Variants in WARS2 observed in about 807,000 individuals in gnomAD.
WARS2 encodes the protein tryptophan--tRNA ligase, mitochondrial.
A neutral mutation model predicts 36.5 loss-of-function variants in WARS2; 28 were observed. The observed-to-expected ratio is 0.77, with a 90% CI of 0.57 to 1.05. The LOEUF (loss-of-function observed/expected upper bound fraction) is 1.05, where lower values mean the gene tolerates loss of function less well. WARS2 is among the 50% of genes least tolerant of loss of function. WARS2 has a pLI of 0.00. For missense variants in WARS2, 435 were observed against 456.8 expected (o/e 0.95, Z 0.44); for synonymous variants, 174 against 178.4 (o/e 0.98, Z 0.20).
chr1:119,041,850 G>A lies in WARS2; in HGVS notation c.515+414C>T, dbSNP rs536902988. On this transcript the variant is annotated intron_variant, in intron 4 of 5. Transcript: ENST00000235521. ...TCCAAACTTCCTGGACTCAAATCCT[G>A]GCTCCAAGCCTTGCTAATTACATGA... 3.9e-5 allele frequency among the ~76,000 whole-genome samples: 6 copies of A among 152,284 alleles called. No individual in the cohort carries two copies. In the South Asian group the frequency reaches 1.2e-3, roughly 32 times the overall value.
Position 119,068,825 on chromosome 1 carries a change from A to ACT in WARS2, c.348+7523_348+7524dup, listed in dbSNP as rs10647679. Among the ~76,000 whole-genome samples, 54 of 149,266 alleles carry ACT rather than the reference A, an allele frequency of 3.6e-4. No homozygotes were observed. The East Asian group carries it at 4.1e-3, about 11-fold the overall frequency. On this transcript the variant is annotated intron_variant, in intron 2 of 5. Transcript: ENST00000235521. ...CCCACGACGTGTCCCTCTCTCTCTT[A>ACT]CTCTCTCTCTCTCTCACACACACAC...
At chr1:119,096,375 C>T (rs947228273) in intron 1 of WARS2, among the ~76,000 whole-genome samples, 1 of 152,148 alleles carries the variant, frequency 6.6e-6, no homozygotes, top group Non-Finnish European at 1.5e-5. Flanking sequence ...TTTCTAACAA[C>T]TCTAACAAGT....
At chr1:119,071,708 A>G (rs1353925592) in intron 2 of WARS2, among the ~76,000 whole-genome samples, 1 of 152,222 alleles carries the variant, frequency 6.6e-6, no homozygotes, top group Non-Finnish European at 1.5e-5. Context: ...GGACACAAAA[A>G]AAGTTAGACG....
intron 1 of WARS2, among the ~76,000 whole-genome samples, chr1:119,135,383 T>G (rs1365206614): frequency 6.6e-6 from 1 of 152,174 alleles, no homozygotes; most frequent in Non-Finnish European, 1.5e-5. Flanking sequence ...TCAGAAAAGC[T>G]TTGCTTTTAT....
intron 1 of WARS2, among the ~76,000 whole-genome samples, chr1:119,084,132 C>G (rs1652432297): frequency 6.6e-6 from 1 of 151,804 alleles, no homozygotes; most frequent in Non-Finnish European, 1.5e-5. Flanking sequence ...GCAGTCCACC[C>G]ACCCTCCCAA....
chr1:119,135,503 T>C (rs1473382351), intron 1 of WARS2, among the ~76,000 whole-genome samples: 2 of 152,232 alleles, frequency 1.3e-5, no homozygotes, highest in Non-Finnish European at 2.9e-5. Flanking sequence ...TGCTATTTAC[T>C]TACTCTGTGA....
At chr1:119,128,510 G>T (rs1655846153) in intron 1 of WARS2, among the ~76,000 whole-genome samples, 1 of 151,664 alleles carries the variant, frequency 6.6e-6, no homozygotes, top group Non-Finnish European at 1.5e-5. Context: ...CTCAACTCTG[G>T]TCTTTTCCCC....
At chr1:119,113,697 T>A (rs587662467) in intron 1 of WARS2, among the ~76,000 whole-genome samples, 211 of 152,118 alleles carry the variant, frequency 1.4e-3, no homozygotes, top group Non-Finnish European at 2.4e-3. Flanking sequence ...AAAGATCAAA[T>A]CCCTGCACTT....
rs1647463526 is a variant in WARS2 at position 119,031,968 on chromosome 1, C to T, written c.*943G>A. 6.5e-6 allele frequency: 1 copy of T among 152,782 alleles called. No individual in the cohort carries two copies. The allele number at this position is 152,782 out of a possible 1,614,324, so 9.5% of individuals were successfully genotyped here. On this transcript the variant is annotated 3_prime_UTR_variant, in exon 6 of 6. Coordinates refer to ENST00000235521, the MANE Select transcript of WARS2 (RefSeq NM_015836.4). ...AAACATCATCAGTCGTTCCAACACC[C>T]ACCTTCAAAATCAGAATGTTTAGAG...
chr1:119,059,179 G>A (rs561865554), intron 2 of WARS2, among the ~76,000 whole-genome samples: 1,557 of 151,900 alleles, frequency 0.01, 25 homozygotes, highest in African/African-American at 0.036. Flanking sequence ...AAATTTGTTT[G>A]AGTTCATTGT....
chr1:119,051,651 C>T (rs1649364056), intron 2 of WARS2, among the ~76,000 whole-genome samples: 2 of 152,072 alleles, frequency 1.3e-5, no homozygotes, highest in Non-Finnish European at 2.9e-5. Context: ...TTTATACTCC[C>T]GTCAACAGTG....
intron 1 of WARS2, 66 bp downstream of exon 1, chr1:119,140,489 G>A (rs1218764575): frequency 2.1e-6 from 3 of 1,440,388 alleles, no homozygotes; most frequent in Non-Finnish European, 2.9e-6. Context: ...AATAAATAGA[G>A]GGCAGTGGGA....
At chr1:119,048,469 T>C (rs1649039635) in intron 2 of WARS2, among the ~76,000 whole-genome samples, 1 of 152,228 alleles carries the variant, frequency 6.6e-6, no homozygotes, top group African/African-American at 2.4e-5. Flanking sequence ...TAATTGTACA[T>C]TCACATACAG....
rs587753985 is a variant in WARS2 at position 119,071,905 on chromosome 1, T to C, written c.348+4445A>G. On this transcript the variant is annotated intron_variant, in intron 2 of 5. Transcript: ENST00000235521. ...CATCATGTTGTACACCATAAATATA[T>C]GCAATTTTTATTTGTCAATTTAAAA... Among the ~76,000 whole-genome samples the C allele has an allele frequency of 4.6e-5, 7 of 152,288 alleles. No homozygotes were observed. The East Asian group carries it at 5.8e-4, about 13-fold the overall frequency.
chr1:119,082,725 T>G (rs1652296795), intron 1 of WARS2, among the ~76,000 whole-genome samples: 1 of 151,470 alleles, frequency 6.6e-6, no homozygotes, highest in Non-Finnish European at 1.5e-5. Flanking sequence ...GGCATACAAC[T>G]AGTGGCACAG....
chr1:119,059,156 GT>G (rs1302190101), intron 2 of WARS2, among the ~76,000 whole-genome samples: 2 of 151,604 alleles, frequency 1.3e-5, no homozygotes, highest in African/African-American at 2.4e-5. Flanking sequence ...TGATGGGGTT[GT>G]TTTTTTCTTG....
At chr1:119,043,751 A>G (rs1648565480) in intron 3 of WARS2, among the ~76,000 whole-genome samples, 1 of 152,234 alleles carries the variant, frequency 6.6e-6, no homozygotes, top group African/African-American at 2.4e-5. Context: ...GCCTTTTCGT[A>G]TTAGCATAAT....
intron 1 of WARS2, among the ~76,000 whole-genome samples, chr1:119,131,348 G>A (rs1472144678): frequency 6.6e-6 from 1 of 152,112 alleles, no homozygotes; most frequent in East Asian, 1.9e-4. Flanking sequence ...AAGTAAAAGG[G>A]AGTAGCTCCG....
At chr1:119,116,525 C>A (rs1026582914) in intron 1 of WARS2, among the ~76,000 whole-genome samples, 1 of 152,140 alleles carries the variant, frequency 6.6e-6, no homozygotes, top group Admixed American at 6.6e-5. Context: ...TGGCTTTCTG[C>A]TGCAAATGCC....
Sources: gnomAD v4.1 joint callset for allele counts (sites outside exome capture counted in the v4.1 genomes callset) on GRCh38, gnomAD v4.1.1 for gene constraint, MANE v1.5 for transcripts, NCBI Gene and HGNC (gene_info 2026-07-23, HGNC 2026-07-21) for gene names.